The following PCDHGB1 variants were observed in gnomAD, a reference collection of about 807,000 sequenced individuals.
PCDHGB1 encodes the protein protocadherin gamma subfamily B, 1.
PCDHGB1 carries 34 observed loss-of-function variants against 56.6 expected under a neutral mutation model. The observed-to-expected ratio is 0.60, with a 90% CI of 0.46 to 0.80. The LOEUF is 0.80. PCDHGB1 is among the 30% of genes least tolerant of loss of function. PCDHGB1 has a pLI of 0.00. For missense variants in PCDHGB1, 1,278 were observed against 1,204.6 expected, an observed-to-expected ratio of 1.06 and a Z score of -0.90; for synonymous variants, 561 against 505.9, an observed-to-expected ratio of 1.11 and a Z score of -1.46.
At chr5:141,394,800 G>A in intron 1 of PCDHGB1, 1 of 1,613,850 alleles carries the variant, frequency 6.2e-7, no homozygotes, top group East Asian at 2.2e-5. Context: ...GCTCACCGTA[G>A]CCGTGGCTGA....
chr5:141,413,656 G>A, intron 1 of PCDHGB1: 1 of 1,613,872 alleles, frequency 6.2e-7, no homozygotes, highest in Non-Finnish European at 8.5e-7. Flanking sequence ...TCTCCCGGAA[G>A]CTATTGATCC....
In PCDHGB1 at chr5:141,384,899, G is replaced by A; in HGVS notation, c.2409+32230G>A. On this transcript the variant is annotated intron_variant, in intron 1 of 3. Transcript: ENST00000523390. ...ACACTCACCGTGGCTGTGGCTGACA[G>A]CATCCCCGAAGTCTTGGCCGACCTG... The A allele has an allele frequency of 1.9e-6, 3 of 1,613,894 alleles. No homozygotes were observed. In the East Asian group the frequency reaches 6.7e-5, roughly 36 times the overall value.
intron 1 of PCDHGB1, among the ~76,000 whole-genome samples, chr5:141,492,421 C>G (rs986772215): frequency 5.9e-5 from 9 of 152,250 alleles, no homozygotes; most frequent in African/African-American, 1.9e-4. Context: ...CTCCCTCCGC[C>G]GGGCTCAGGA....
intron 1 of PCDHGB1, chr5:141,356,982 G>A: frequency 3.7e-6 from 6 of 1,614,238 alleles, no homozygotes; most frequent in Non-Finnish European, 5.1e-6. Flanking sequence ...TGGTGGCAGT[G>A]GACAGAGACT....
chr5:141,435,642 T>C lies in PCDHGB1; in HGVS notation c.2410-59165T>C, dbSNP rs1326178929. On this transcript the variant is annotated intron_variant, in intron 1 of 3. Coordinates refer to ENST00000523390, the MANE Select transcript of PCDHGB1 (RefSeq NM_018922.3). ...CATAACTTTTACAACTATGGGAAAA[T>C]TTCTGAAACGTGCACAGATTCCAAG... Among the ~76,000 whole-genome samples the C allele has an allele frequency of 2.0e-5, 3 of 152,156 alleles. No individual in the cohort carries two copies. The East Asian group carries it at 5.8e-4, about 29-fold the overall frequency.
intron 2 of PCDHGB1, among the ~76,000 whole-genome samples, chr5:141,501,286 C>T (rs2099806802): frequency 8.9e-6 from 1 of 112,422 alleles, no homozygotes; most frequent in African/African-American, 3.5e-5. Context: ...GGGATATTCC[C>T]TTATACACAC....
At position 141,491,960 on chromosome 5, in the gene PCDHGB1, A is replaced by T. The variant is rs1380758016; in HGVS notation, c.2410-2847A>T. The T allele has an allele frequency of 1.0e-6, 1 of 984,842 alleles. No individual in the cohort carries two copies. The highest frequency in any genetic ancestry group is 3.0e-5 in the East Asian group (1 of 33,312). 61.0% of individuals were successfully genotyped at this position (984,842 alleles called of 1,614,324 possible). A position where few individuals can be genotyped will look rare whatever the true frequency, so the allele number is the denominator to read the frequency against. On this transcript the variant is annotated intron_variant, in intron 1 of 3. Coordinates refer to ENST00000523390, the MANE Select transcript of PCDHGB1 (RefSeq NM_018922.3). The surrounding 1 kb of genome is among the most constrained non-coding windows in gnomAD (Gnocchi z 6.9). ...CGACCCCCACCCCTACACTCAAAAA[A>T]GGCCGGGGCCTCCTTCGAGCTTCCG...
intron 1 of PCDHGB1, chr5:141,422,554 G>A (rs753985751): frequency 1.2e-5 from 19 of 1,613,870 alleles, no homozygotes; most frequent in Non-Finnish European, 1.6e-5. Flanking sequence ...CTGGCTGAAT[G>A]TGGCAGATGA....
Position 141,351,719 on chromosome 5 carries a change from A to C in PCDHGB1, c.1459A>C (p.Ile487Leu). 6.2e-7 allele frequency: 1 copy of C among 1,613,794 alleles called. No individual in the cohort carries two copies. The highest frequency in any genetic ancestry group is 8.5e-7 in the Non-Finnish European group (1 of 1,179,898). ...LGPNGRVSYS[I>L]LASDLEPREL... Reference sequence around the variant, plus strand: ...ACCCAACGGCAGAGTCTCCTACTCTATTCTGGCCAGTGACCTGGAGCCGCG... The same window carrying C: ...ACCCAACGGCAGAGTCTCCTACTCTCTTCTGGCCAGTGACCTGGAGCCGCG... The change falls in exon 1 of 4, where the codon ATT becomes CTT. Residue 487 changes from isoleucine to leucine, a missense_variant. Transcript: ENST00000523390.
At chr5:141,401,566 C>G (rs2094168998) in intron 1 of PCDHGB1, among the ~76,000 whole-genome samples, 1 of 152,312 alleles carries the variant, frequency 6.6e-6, no homozygotes, top group African/African-American at 2.4e-5. Context: ...CTGAATTTCT[C>G]TTGCTCGGAA....
chr5:141,420,277 A>C, intron 1 of PCDHGB1: 1 of 1,518,166 alleles, frequency 6.6e-7, no homozygotes, highest in Non-Finnish European at 8.9e-7. Flanking sequence ...TTAAACAGGT[A>C]AGTATTTAAA....
intron 1 of PCDHGB1, among the ~76,000 whole-genome samples, chr5:141,438,119 A>G (rs2097930168): frequency 6.6e-6 from 1 of 152,220 alleles, no homozygotes; most frequent in Non-Finnish European, 1.5e-5. Flanking sequence ...ATGCATTCCT[A>G]AAATATTAAT....
chr5:141,449,588 CAA>C (rs768743917), intron 1 of PCDHGB1, among the ~76,000 whole-genome samples: 5 of 57,502 alleles, frequency 8.7e-5, no homozygotes, highest in Admixed American at 1.8e-4. Flanking sequence ...GACTCTGTCT[CAA>C]AAAAAAAAAA....
intron 1 of PCDHGB1, chr5:141,378,636 G>A (rs1775063094): frequency 6.6e-6 from 1 of 152,168 alleles, no homozygotes; most frequent in African/African-American, 2.4e-5. Context: ...CTGGTGAATG[G>A]GAGAACAAAT....
At chr5:141,483,840 T>C (rs996866862) in intron 1 of PCDHGB1, among the ~76,000 whole-genome samples, 2 of 152,172 alleles carry the variant, frequency 1.3e-5, no homozygotes, top group South Asian at 2.1e-4. Context: ...AAGGACTTGG[T>C]TGAATTAAGA....
At chr5:141,503,363 G>A (rs2099819478) in intron 2 of PCDHGB1, among the ~76,000 whole-genome samples, 2 of 152,132 alleles carry the variant, frequency 1.3e-5, no homozygotes, top group East Asian at 1.9e-4. Context: ...TTGGGAAGCG[G>A]AGGCAGGTGG....
At chr5:141,472,411 C>T (rs747412647) in intron 1 of PCDHGB1, among the ~76,000 whole-genome samples, 9 of 151,918 alleles carry the variant, frequency 5.9e-5, no homozygotes, top group Admixed American at 3.3e-4. Flanking sequence ...CGTGGTGGCA[C>T]GCACCTGTAT....
intron 1 of PCDHGB1, among the ~76,000 whole-genome samples, chr5:141,358,427 A>G (rs1311834946): frequency 1.3e-5 from 2 of 152,186 alleles, no homozygotes; most frequent in Admixed American, 6.5e-5. Flanking sequence ...GGTATTTTCC[A>G]TTATAACAGG....
At chr5:141,507,896 G>A (rs1457319438) in intron 3 of PCDHGB1, among the ~76,000 whole-genome samples, 1 of 152,210 alleles carries the variant, frequency 6.6e-6, no homozygotes, top group African/African-American at 2.4e-5. Flanking sequence ...GGTTCCTGAA[G>A]TCCAGCCCAG....
Sources: gnomAD v4.1 joint callset for allele counts (sites outside exome capture counted in the v4.1 genomes callset) on GRCh38, gnomAD v4.1.1 for gene constraint, Gnocchi (gnomAD v3.1) non-coding constraint, MANE v1.5 for transcripts, NCBI Gene and HGNC (gene_info 2026-07-23, HGNC 2026-07-21) for gene names.